The following NIBAN2 variants were observed in gnomAD, a reference collection of about 807,000 sequenced individuals.
NIBAN2 encodes the protein niban apoptosis regulator 2.
Under a neutral mutation model 81.8 loss-of-function variants are expected in NIBAN2, and 36 were observed. The observed-to-expected ratio is 0.44, with a 90% confidence interval of 0.34 to 0.58. The LOEUF is 0.58. Among genes scored for constraint, NIBAN2 ranks in the 20% least tolerant of loss-of-function variants. NIBAN2 has a pLI of 0.02. For synonymous variants in NIBAN2, 445 were observed against 441.6 expected (o/e 1.01, Z -0.10); for missense variants, 897 against 1,014.1 (o/e 0.88, Z 1.57).
At chr9:127,516,322 G>A (rs554164115) in intron 8 of NIBAN2, among the ~76,000 whole-genome samples, 17 of 152,176 alleles carry the variant, frequency 1.1e-4, no homozygotes, top group Middle Eastern at 3.4e-3. Flanking sequence ...CAAGGTGAGC[G>A]GATCACGAGG....
At chr9:127,530,044 T>G (rs1432934274) in intron 2 of NIBAN2, among the ~76,000 whole-genome samples, 1 of 152,224 alleles carries the variant, frequency 6.6e-6, no homozygotes, top group Non-Finnish European at 1.5e-5. Context: ...TTATAGGGAC[T>G]TGGGCTGCCC....
intron 1 of NIBAN2, among the ~76,000 whole-genome samples, chr9:127,557,603 G>A (rs1221319247): frequency 2.0e-5 from 3 of 152,214 alleles, no homozygotes; most frequent in Admixed American, 6.5e-5. Context: ...AGCTCCTCTC[G>A]GATTCTGCCA....
chr9:127,558,954 C>T (rs1273981815), intron 1 of NIBAN2, among the ~76,000 whole-genome samples: 2 of 152,122 alleles, frequency 1.3e-5, no homozygotes, highest in African/African-American at 2.4e-5. Context: ...CCCATCTTAG[C>T]GACAACTGGA....
chr9:127,521,747 C>T (rs1172605958), intron 5 of NIBAN2, among the ~76,000 whole-genome samples: 1 of 152,188 alleles, frequency 6.6e-6, no homozygotes, highest in Non-Finnish European at 1.5e-5. Context: ...ACAGGACACC[C>T]CTTCATTCCC....
intron 9 of NIBAN2, 198 bp downstream of exon 9, chr9:127,509,948 T>C (rs889800330): frequency 7.6e-5 from 33 of 431,564 alleles, no homozygotes; most frequent in Non-Finnish European, 1.2e-4. Context: ...GTTCCCTCTT[T>C]CCTCAAACTG....
chr9:127,527,267 TC>T lies in NIBAN2; in HGVS notation c.241del (p.Asp81ThrfsTer94), dbSNP rs770276198. The T allele has an allele frequency of 6.2e-7, 1 of 1,613,640 alleles. No homozygotes were observed. Among genetic ancestry groups the T allele is most frequent in the Non-Finnish European group, 8.5e-7 (1 of 1,179,918 alleles). On this transcript the variant is annotated frameshift_variant, in exon 3 of 14. Transcript: ENST00000373312. LOFTEE classifies it high-confidence loss of function. ...GAAGCGGTTTCTCCACTTCTTGCTG[TC>T]CTCCTGGTGCTGGAAGAGGTTCCCC... ...FSGNLFQHQE[D>X]SKKWRNRFSL...
chr9:127,546,918 G>A (rs1179224069), intron 1 of NIBAN2, among the ~76,000 whole-genome samples: 1 of 151,364 alleles, frequency 6.6e-6, no homozygotes, highest in Non-Finnish European at 1.5e-5. Context: ...CAGGGTCACG[G>A]AAGCCTCCCA....
chr9:127,526,545 G>C (rs565143193), intron 3 of NIBAN2, among the ~76,000 whole-genome samples: 8 of 152,272 alleles, frequency 5.3e-5, no homozygotes, highest in African/African-American at 1.9e-4. Context: ...CACTACTCTG[G>C]GGCACGAGGT....
At chr9:127,546,075 C>A (rs1837466135) in intron 1 of NIBAN2, among the ~76,000 whole-genome samples, 1 of 152,208 alleles carries the variant, frequency 6.6e-6, no homozygotes, top group Non-Finnish European at 1.5e-5. Flanking sequence ...CCCAAGGCTG[C>A]CATCCTGCGG....
chr9:127,559,702 C>T lies in NIBAN2; in HGVS notation c.55+9118G>A, dbSNP rs1837736685. Among the ~76,000 whole-genome samples, 1 of 152,176 alleles carries T rather than the reference C, an allele frequency of 6.6e-6. No homozygotes were observed. The highest frequency in any genetic ancestry group is 2.4e-5 in the African/African-American group (1 of 41,446). ...GAAAGTGGGGTCTGCACTTTGCAAA[C>T]CACAGTTCATTCTTCCTCCCCTCCT... On this transcript the variant is annotated intron_variant, in intron 1 of 13. Transcript: ENST00000373312. The surrounding 1 kb of genome is among the most constrained non-coding windows in gnomAD (Gnocchi z 4.0).
At chr9:127,550,044 G>A (rs995561762) in intron 1 of NIBAN2, among the ~76,000 whole-genome samples, 1 of 152,194 alleles carries the variant, frequency 6.6e-6, no homozygotes, top group African/African-American at 2.4e-5. Flanking sequence ...CCTTGAGGGT[G>A]AGTGGGGACC....
rs1199314984 is a variant in NIBAN2, at chr9:127,527,406, C to A, written c.187-84G>T. On this transcript the variant is annotated intron_variant, in intron 2 of 13. Transcript: ENST00000373312. ...GAAGCTGATGGCCCAGCCAGCAGAG[C>A]CTGTGTGCGCACCCCCTGCCTAGCA... The A allele has an allele frequency of 7.6e-6, 10 of 1,318,164 alleles. No individual in the cohort carries two copies. In the Admixed American group the frequency reaches 1.3e-4, roughly 16 times the overall value. 81.7% of individuals were successfully genotyped at this position (1,318,164 alleles called of 1,614,324 possible).
At chr9:127,529,893 G>A (rs1391537997) in intron 2 of NIBAN2, among the ~76,000 whole-genome samples, 1 of 152,124 alleles carries the variant, frequency 6.6e-6, no homozygotes, top group Admixed American at 6.5e-5. Context: ...GACTGTGGGT[G>A]AGTGATCTCA....
chr9:127,527,265 T>C lies in NIBAN2; in HGVS notation c.244A>G (p.Ser82Gly), dbSNP rs1837089447. The change falls in exon 3 of 14, where the codon AGC becomes GGC. Residue 82 changes from serine to glycine, a missense_variant. Physicochemically the swap from Ser to Gly is moderately conservative, Grantham distance 56. This residue lies in a region of NIBAN2 where 209 missense variants were observed against 208.4 expected (regional missense o/e 1.00). Coordinates refer to ENST00000373312, the MANE Select transcript of NIBAN2 (RefSeq NM_022833.4). ...CTGAAGCGGTTTCTCCACTTCTTGC[T>C]GTCCTCCTGGTGCTGGAAGAGGTTC... is the stretch of plus-strand genomic sequence containing the variant. Reference protein sequence around the residue: ...SGNLFQHQEDSKKWRNRFSLV... With the variant: ...SGNLFQHQEDGKKWRNRFSLV... 1 of 1,613,900 alleles carries C rather than the reference T, an allele frequency of 6.2e-7. No homozygotes were observed.
intron 1 of NIBAN2, among the ~76,000 whole-genome samples, chr9:127,540,086 C>T (rs75578485): frequency 0.02 from 3,043 of 152,316 alleles, 95 homozygotes; most frequent in African/African-American, 0.069. Flanking sequence ...CACAGTGAGG[C>T]CCTTGAAACA....
chr9:127,568,736 G>T, intron 1 of NIBAN2, 84 bp downstream of exon 1: 1 of 1,151,312 alleles, frequency 8.7e-7, no homozygotes, highest in South Asian at 3.9e-5. Context: ...CCCCGGCCCC[G>T]GCGCCAACTG....
At chr9:127,535,302 C>A (rs1158291756) in intron 1 of NIBAN2, among the ~76,000 whole-genome samples, 1 of 152,260 alleles carries the variant, frequency 6.6e-6, no homozygotes, top group Non-Finnish European at 1.5e-5. Flanking sequence ...ACTGCCCGGA[C>A]AGCACAGTCC....
chr9:127,568,420 G>T (rs1465717696), intron 1 of NIBAN2, among the ~76,000 whole-genome samples: 1 of 152,168 alleles, frequency 6.6e-6, no homozygotes, highest in Non-Finnish European at 1.5e-5. Context: ...AGCGCGAGCT[G>T]GCTGGGTCTG....
intron 4 of NIBAN2, among the ~76,000 whole-genome samples, chr9:127,524,237 G>A (rs1837017888): frequency 6.6e-6 from 1 of 152,172 alleles, no homozygotes; most frequent in South Asian, 2.1e-4. Flanking sequence ...TGGCTTAAGT[G>A]TCCACAGGGG....
Sources: gnomAD v4.1 joint callset for allele counts (sites outside exome capture counted in the v4.1 genomes callset) on GRCh38, gnomAD v4.1.1 for gene constraint, gnomAD v4.1.1 regional missense constraint, Gnocchi (gnomAD v3.1) non-coding constraint, MANE v1.5 for transcripts, NCBI Gene and HGNC (gene_info 2026-07-23, HGNC 2026-07-21) for gene names.